PHF24: variants seen among roughly 807,000 people sequenced by gnomAD.
PHF24 encodes the protein PHD finger protein 24, also known as Galpha inhibitory interacting protein.
A neutral mutation model predicts 42.6 loss-of-function variants in PHF24; 25 were observed. The observed-to-expected ratio is 0.59, with a 90% CI of 0.43 to 0.82. The LOEUF (loss-of-function observed/expected upper bound fraction) is 0.82, where lower values mean the gene tolerates loss of function less well. PHF24 is among the 40% of genes least tolerant of loss of function. The pLI, the probability that PHF24 is intolerant of heterozygous loss-of-function variation, is 0.00. For synonymous variants in PHF24, 185 were observed against 204.8 expected (o/e 0.90, Z 0.83); for missense variants, 470 against 538.1 (o/e 0.87, Z 1.25).
chr9:34,872,931 T>A, the PHF24 span, among the ~76,000 whole-genome samples: 41 of 150,084 alleles, frequency 2.7e-4, no homozygotes, highest in Non-Finnish European at 5.3e-4. Flanking sequence ...TCATTGTGGT[T>A]TTGATTTGCA....
At chr9:34,709,982 C>G in the PHF24 span, 19 of 1,614,058 alleles carry the variant, frequency 1.2e-5, no homozygotes, top group Admixed American at 2.8e-4. Context: ...CATGCAAGGC[C>G]CCTCCCTGCC....
the PHF24 span, among the ~76,000 whole-genome samples, chr9:34,693,680 G>T: frequency 6.6e-6 from 1 of 151,868 alleles, no homozygotes; most frequent in Non-Finnish European, 1.5e-5. Context: ...AGAGAACAGG[G>T]CATTAAAAAA....
the PHF24 span, among the ~76,000 whole-genome samples, chr9:34,749,604 C>CTT: frequency 7.8e-3 from 1,125 of 143,768 alleles, 6 homozygotes; most frequent in African/African-American, 9.4e-3. Context: ...GTTATTCATT[C>CTT]TTTTTTTTTT....
At chr9:34,720,451 C>CAAAAAAAAA in the PHF24 span, among the ~76,000 whole-genome samples, 1 of 34,738 alleles carries the variant, frequency 2.9e-5, no homozygotes, top group Admixed American at 4.0e-4. Flanking sequence ...GACTCCGTCT[C>CAAAAAAAAA]AAAAAAAAAA....
At chr9:34,812,102 G>C in the PHF24 span, among the ~76,000 whole-genome samples, 1 of 152,188 alleles carries the variant, frequency 6.6e-6, no homozygotes, top group African/African-American at 2.4e-5. Flanking sequence ...TGGATGCAGT[G>C]ACATGTGCTT....
the PHF24 span, among the ~76,000 whole-genome samples, chr9:34,845,511 G>C: frequency 6.6e-6 from 1 of 151,726 alleles, no homozygotes; most frequent in East Asian, 1.9e-4. Context: ...TTTTTGCTTT[G>C]TGGTTAACAT....
chr9:34,665,989 G>C, the PHF24 span: 2 of 428,832 alleles, frequency 4.7e-6, no homozygotes, highest in South Asian at 5.2e-5. Context: ...TGGAGGGGGG[G>C]CTGAGAGGGG....
chr9:34,873,886 A>T, the PHF24 span, among the ~76,000 whole-genome samples: 173 of 152,188 alleles, frequency 1.1e-3, 1 homozygote, highest in African/African-American at 3.7e-3. Context: ...TTCATTGAGC[A>T]GTGGTTTGTA....
the PHF24 span, among the ~76,000 whole-genome samples, chr9:34,860,999 A>G: frequency 1.1e-4 from 17 of 152,204 alleles, no homozygotes; most frequent in African/African-American, 4.1e-4. Flanking sequence ...AGCAGAGCAC[A>G]GTTACATAGC....
At chr9:34,781,725 A>G in the PHF24 span, among the ~76,000 whole-genome samples, 2 of 151,996 alleles carry the variant, frequency 1.3e-5, no homozygotes, top group African/African-American at 4.8e-5. Context: ...TGTTAGGGAA[A>G]AAAAAAAAAG....
chr9:34,918,422 AAT>A, the PHF24 span: 6,843 of 491,706 alleles, frequency 0.014, 1 homozygote, highest in South Asian at 0.019. Flanking sequence ...AAAAAAAAAA[AAT>A]CATGGGGAAT....
chr9:34,749,698 T>C, the PHF24 span, among the ~76,000 whole-genome samples: 1 of 152,140 alleles, frequency 6.6e-6, no homozygotes, highest in South Asian at 2.1e-4. Flanking sequence ...GGTGGCTTGC[T>C]GCACCTATCA....
At chr9:34,885,745 TTC>T in the PHF24 span, among the ~76,000 whole-genome samples, 1 of 152,070 alleles carries the variant, frequency 6.6e-6, no homozygotes, top group African/African-American at 2.4e-5. Context: ...ATTTAGAGCT[TTC>T]TCTGTGATCT....
the PHF24 span, among the ~76,000 whole-genome samples, chr9:34,906,982 C>T: frequency 6.6e-6 from 1 of 152,068 alleles, no homozygotes; most frequent in Non-Finnish European, 1.5e-5. Context: ...CACCACCCCA[C>T]CCCTCTAATT....
At chr9:34,774,380 A>G in the PHF24 span, among the ~76,000 whole-genome samples, 10 of 140,842 alleles carry the variant, frequency 7.1e-5, no homozygotes, top group African/African-American at 2.5e-4. Context: ...ATATATGAAG[A>G]ACTCCTACAA....
the PHF24 span, among the ~76,000 whole-genome samples, chr9:34,720,461 AC>A: frequency 0.1 from 14,533 of 139,334 alleles, 1,755 homozygotes; most frequent in Middle Eastern, 0.18. Flanking sequence ...CAAAAAAAAA[AC>A]AAAACAAAAC....
At chr9:34,790,481 AACAATGCATATAAGT>A in the PHF24 span, among the ~76,000 whole-genome samples, 1,784 of 152,308 alleles carry the variant, frequency 0.012, 26 homozygotes, top group African/African-American at 0.04. Flanking sequence ...ACTTTCACAA[AACAATGCATATAAGT>A]ACTTAGCAAT....
the PHF24 span, among the ~76,000 whole-genome samples, chr9:34,701,161 C>A: frequency 2.0e-5 from 3 of 152,150 alleles, no homozygotes; most frequent in Admixed American, 1.3e-4. The surrounding 1 kb of genome is among the most constrained non-coding windows in gnomAD (Gnocchi z 5.8). Context: ...AAGGAGCCTG[C>A]CCAACTTTCG....
At chr9:34,765,397 C>A in the PHF24 span, among the ~76,000 whole-genome samples, 1 of 149,746 alleles carries the variant, frequency 6.7e-6, no homozygotes, top group Admixed American at 6.7e-5. Context: ...TATTGGGTGC[C>A]TATATATTTA....
Sources: allele counts gnomAD v4.1 joint callset (sites outside exome capture counted in the v4.1 genomes callset), GRCh38; gene constraint gnomAD v4.1.1; non-coding constraint Gnocchi (gnomAD v3.1); transcripts MANE v1.5; gene names NCBI Gene and HGNC (gene_info 2026-07-23, HGNC 2026-07-21).